UGT1A6: variants seen among roughly 807,000 people sequenced by gnomAD.
UGT1A6 encodes UDP glucuronosyltransferase family 1 member A6.
Under a neutral mutation model 44.4 loss-of-function variants are expected in UGT1A6, and 32 were observed. The ratio of observed to expected loss-of-function variants is 0.72; its 90% CI spans 0.54 to 0.97. The LOEUF is 0.97. Ranked by LOEUF, UGT1A6 falls within the 50% of genes least tolerant of loss-of-function variation. The probability of loss-of-function intolerance (pLI) is 0.00; values close to 1 mark genes in which losing one functional copy is unlikely to be tolerated. For missense variants in UGT1A6, 685 were observed against 661.9 expected (o/e 1.03, Z -0.38); for synonymous variants, 238 against 248.5 (o/e 0.96, Z 0.40).
intron 1 of UGT1A6, chr2:233,708,678 G>A (rs935708271): frequency 6.6e-6 from 1 of 152,188 alleles, no homozygotes; most frequent in African/African-American, 2.4e-5. Flanking sequence ...TTGAGCCCAG[G>A]AGTTCAAGGT....
At chr2:233,729,079 C>T (rs372945950) in intron 1 of UGT1A6, 2 of 1,611,886 alleles carry the variant, frequency 1.2e-6, no homozygotes, top group African/African-American at 2.7e-5. Flanking sequence ...GCAAATGTAG[C>T]AGGCACAGCG....
intron 1 of UGT1A6, among the ~76,000 whole-genome samples, chr2:233,740,368 A>C (rs1423573410): frequency 6.6e-6 from 1 of 151,928 alleles, no homozygotes; most frequent in Non-Finnish European, 1.5e-5. Flanking sequence ...AATTCCTAGA[A>C]AGGTAAGTTG....
At chr2:233,716,682 A>G (rs1247523316) in intron 1 of UGT1A6, among the ~76,000 whole-genome samples, 2 of 152,204 alleles carry the variant, frequency 1.3e-5, no homozygotes, top group Non-Finnish European at 2.9e-5. Context: ...CCCAAGATAT[A>G]GTTTCTACAT....
chr2:233,760,172 C>T (rs1421203838), intron 1 of UGT1A6: 1 of 1,533,858 alleles, frequency 6.5e-7, no homozygotes, highest in Admixed American at 1.9e-5. Flanking sequence ...TGTGGACTGA[C>T]AGCTTTTTAT....
intron 1 of UGT1A6, among the ~76,000 whole-genome samples, chr2:233,762,572 C>A (rs947472049): frequency 6.6e-6 from 1 of 152,114 alleles, no homozygotes; most frequent in Non-Finnish European, 1.5e-5. Flanking sequence ...GTCTAGTTCC[C>A]CACAGAGGAA....
At chr2:233,704,344 G>A (rs192964510) in intron 1 of UGT1A6, among the ~76,000 whole-genome samples, 3 of 135,994 alleles carry the variant, frequency 2.2e-5, no homozygotes, top group Non-Finnish European at 4.6e-5. Context: ...TTAAAAAGTT[G>A]TGTTCTGAGC....
chr2:233,722,361 T>C (rs28898615), intron 1 of UGT1A6, among the ~76,000 whole-genome samples: 12,155 of 152,314 alleles, frequency 0.08, 624 homozygotes, highest in East Asian at 0.2. Flanking sequence ...TATACAAGAC[T>C]AAAGTTGAAA....
rs368518074 is a variant in UGT1A6, at chr2:233,743,691, C to A, written c.862-23343C>A. On this transcript the variant is annotated intron_variant, in intron 1 of 4. Coordinates refer to ENST00000305139, the MANE Select transcript of UGT1A6 (RefSeq NM_001072.4). The stretch of plus-strand genomic sequence containing the variant: ...TCGAAGGGCCTGCCGCCTGTGCAGC[C>A]GCCCTCCGCCCCCGCCTCGCCATAG... 5.1e-6 allele frequency: 7 copies of A among 1,367,238 alleles called. No individual in the cohort carries two copies. In the South Asian group the frequency reaches 7.9e-5, roughly 16 times the overall value. 84.7% of individuals were successfully genotyped at this position (1,367,238 alleles called of 1,614,324 possible).
Position 233,772,777 on chromosome 2 carries a change from T to C in UGT1A6, c.*218T>C. The stretch of plus-strand genomic sequence containing the variant: ...TATGTATCGTGCCCCCTCTGGTGTC[T>C]TTGATCAGGATGACATGTGCCATTT... On this transcript the variant is annotated 3_prime_UTR_variant, in exon 5 of 5. Coordinates refer to ENST00000305139, the MANE Select transcript of UGT1A6 (RefSeq NM_001072.4). 8.4e-6 allele frequency: 11 copies of C among 1,302,124 alleles called. No individual in the cohort carries two copies. The highest frequency in any genetic ancestry group is 1.1e-5 in the Non-Finnish European group (11 of 988,102). 80.7% of individuals were successfully genotyped at this position (1,302,124 alleles called of 1,614,324 possible). A position where few individuals can be genotyped will look rare whatever the true frequency, so the allele number is the denominator to read the frequency against.
chr2:233,740,135 G>A (rs1178370483), intron 1 of UGT1A6, among the ~76,000 whole-genome samples: 1 of 151,922 alleles, frequency 6.6e-6, no homozygotes, highest in Non-Finnish European at 1.5e-5. Context: ...TGTCATGATT[G>A]TAAGTTTCCT....
intron 1 of UGT1A6, among the ~76,000 whole-genome samples, chr2:233,752,797 G>C (rs766471839): frequency 2.6e-5 from 4 of 152,148 alleles, no homozygotes; most frequent in Non-Finnish European, 5.9e-5. Flanking sequence ...TTACACTTCT[G>C]TAGAAGGAAC....
chr2:233,693,047 G>A lies in UGT1A6; in HGVS notation c.43G>A (p.Val15Ile), dbSNP rs2075129391. The change falls in exon 1 of 5, where the codon GTT (valine) becomes ATT (isoleucine). Residue 15 changes from valine to isoleucine, a missense_variant. Val to Ile is a conservative substitution (Grantham distance 29). Transcript: ENST00000305139. ...LRSFQRISAG[V>I]FFLALWGMVV... ...CTCATTTCAGAGAATTTCTGCAGGG[G>A]TTTTCTTCTTAGCACTTTGGGGCAT... 1 of 1,614,146 alleles carries A rather than the reference G, an allele frequency of 6.2e-7. No homozygotes were observed. The highest frequency in any genetic ancestry group is 8.5e-7 in the Non-Finnish European group (1 of 1,180,032).
At chr2:233,760,344 G>C (rs897355036) in intron 1 of UGT1A6, 1 of 1,614,032 alleles carries the variant, frequency 6.2e-7, no homozygotes. Context: ...TGCTGTGTGT[G>C]CTGGGCCCAG....
At chr2:233,717,004 T>C (rs549183573) in intron 1 of UGT1A6, among the ~76,000 whole-genome samples, 2 of 152,292 alleles carry the variant, frequency 1.3e-5, no homozygotes, top group East Asian at 1.9e-4. Context: ...AGGGCCCCTA[T>C]GTCTCTGAAG....
chr2:233,753,217 G>T (rs1387240791), intron 1 of UGT1A6: 10 of 152,116 alleles, frequency 6.6e-5, no homozygotes, highest in Admixed American at 6.5e-4. Flanking sequence ...GTCTTATTTT[G>T]ATACTTCTTG....
intron 1 of UGT1A6, among the ~76,000 whole-genome samples, chr2:233,716,917 G>A (rs2076533207): frequency 6.6e-6 from 1 of 152,116 alleles, no homozygotes. Flanking sequence ...CCTGGAAGCT[G>A]ATGCCTTGGG....
At chr2:233,701,716 A>G (rs1379705322) in intron 1 of UGT1A6, among the ~76,000 whole-genome samples, 3 of 152,238 alleles carry the variant, frequency 2.0e-5, no homozygotes, top group Admixed American at 2.0e-4. Context: ...AACTACATGG[A>G]AACTGAACAA....
chr2:233,761,438 A>G (rs1335864417), intron 1 of UGT1A6, among the ~76,000 whole-genome samples: 1 of 152,232 alleles, frequency 6.6e-6, no homozygotes, highest in East Asian at 1.9e-4. Flanking sequence ...CCATAGGCAC[A>G]GAATGCTGGG....
At chr2:233,768,582 C>CTTTTTTTTTTTTT (rs139595073) in intron 4 of UGT1A6, 143 bp downstream of exon 4, 1 of 867,188 alleles carries the variant, frequency 1.2e-6, no homozygotes, top group Non-Finnish European at 1.4e-6. Context: ...TTTATTTCTT[C>CTTTTTTTTTTTTT]TTTTTTTTTT....
Sources: gnomAD v4.1 joint callset for allele counts (sites outside exome capture counted in the v4.1 genomes callset) on GRCh38, gnomAD v4.1.1 for gene constraint, MANE v1.5 for transcripts, NCBI Gene and HGNC (gene_info 2026-07-23, HGNC 2026-07-21) for gene names.